The following MGAT3 variants were observed in gnomAD, a reference collection of about 807,000 sequenced individuals.
MGAT3 encodes GlcNAc-T III.
In MGAT3, 9 loss-of-function variants were observed where a neutral mutation model predicts 29.8. The ratio of observed to expected loss-of-function variants is 0.30; its 90% CI spans 0.18 to 0.53. The LOEUF (loss-of-function observed/expected upper bound fraction) is 0.53. Ranked by LOEUF, MGAT3 falls within the 20% of genes least tolerant of loss-of-function variation. The pLI is 0.96. For missense variants in MGAT3, 557 were observed against 769.5 expected (o/e 0.72, Z 3.27); for synonymous variants, 397 against 348.9 (o/e 1.14, Z -1.54).
intron 1 of MGAT3, among the ~76,000 whole-genome samples, chr22:39,467,686 G>A (rs1238037290): frequency 3.3e-5 from 5 of 149,822 alleles, no homozygotes; most frequent in Admixed American, 2.0e-4. Context: ...GTTTCATTTC[G>A]TTTCTTTTCT....
intron 1 of MGAT3, among the ~76,000 whole-genome samples, chr22:39,460,291 G>T (rs1928460626): frequency 6.6e-6 from 1 of 152,210 alleles, no homozygotes; most frequent in South Asian, 2.1e-4. Flanking sequence ...CATAGGCCTT[G>T]CCCTGAGGAG....
chr22:39,457,963 T>C lies in MGAT3; in HGVS notation c.-2+406T>C, dbSNP rs1184462276. Among the ~76,000 whole-genome samples the C allele has an allele frequency of 6.6e-6, 1 of 151,662 alleles. No individual in the cohort carries two copies. Among genetic ancestry groups the C allele is most frequent in the Non-Finnish European group, 1.5e-5 (1 of 67,854 alleles). ...CGGCGCGGGGCTGGGGTGGGAGGCC[T>C]CCGCGCCCGCCTTCCCCACCCCCGA... is the stretch of plus-strand genomic sequence containing the variant. On this transcript the variant is annotated intron_variant, in intron 1 of 1. Coordinates refer to ENST00000341184, the MANE Select transcript of MGAT3 (RefSeq NM_002409.5). This position sits in a 1 kb window ranked among gnomAD's most constrained non-coding sequence, Gnocchi z 6.8.
intron 1 of MGAT3, among the ~76,000 whole-genome samples, chr22:39,461,698 C>T (rs1187603939): frequency 3.3e-5 from 5 of 152,112 alleles, no homozygotes; most frequent in African/African-American, 1.2e-4. Context: ...TGACACCAGC[C>T]CCACAACCCA....
intron 1 of MGAT3, among the ~76,000 whole-genome samples, chr22:39,467,647 TTTC>T (rs1301035201): frequency 6.6e-6 from 1 of 151,894 alleles, no homozygotes; most frequent in Non-Finnish European, 1.5e-5. Flanking sequence ...TCTTTTTTCT[TTTC>T]TTTTCTTTTC....
intron 1 of MGAT3, among the ~76,000 whole-genome samples, chr22:39,474,685 C>T (rs1434460769): frequency 6.6e-6 from 1 of 152,242 alleles, no homozygotes; most frequent in East Asian, 1.9e-4. Context: ...ATAAAGAGCC[C>T]TGTGCCTGAA....
Position 39,487,836 on chromosome 22 carries a change from C to G in MGAT3, c.489C>G (p.Gly163=). The change falls in exon 2 of 2, where the codon GGC becomes GGG. Residue 163 remains glycine, a synonymous_variant. Coordinates refer to ENST00000341184, the MANE Select transcript of MGAT3 (RefSeq NM_002409.5). This position sits in a 1 kb window ranked among gnomAD's most constrained non-coding sequence, Gnocchi z 5.7. The stretch of plus-strand genomic sequence containing the variant: ...CCCGGGAGCGCACGGGGGGCCGAGG[C>G]GCCCGGCGCAAGTGGGTGGAGTGCG... ...LSARERTGGR[G]ARRKWVECVC... is the part of the protein sequence containing the mutation. 9.3e-6 allele frequency: 14 copies of G among 1,510,088 alleles called. No individual in the cohort carries two copies. Among genetic ancestry groups the G allele is most frequent in the Non-Finnish European group, 1.2e-5 (14 of 1,133,084 alleles). 93.5% of individuals were successfully genotyped at this position (1,510,088 alleles called of 1,614,324 possible).
intron 1 of MGAT3, among the ~76,000 whole-genome samples, chr22:39,460,144 A>G (rs962091758): frequency 1.3e-5 from 2 of 152,226 alleles, no homozygotes; most frequent in Non-Finnish European, 2.9e-5. Flanking sequence ...CCCAAGAGCC[A>G]GAGCCCCTTT....
chr22:39,486,265 A>T (rs1929269345), intron 1 of MGAT3: 1 of 370,424 alleles, frequency 2.7e-6, no homozygotes, highest in Non-Finnish European at 5.2e-6. Flanking sequence ...CTCCTGCCTC[A>T]GCCGGTATAG....
chr22:39,474,764 C>T (rs915465036), intron 1 of MGAT3, among the ~76,000 whole-genome samples: 90 of 152,348 alleles, frequency 5.9e-4, no homozygotes, highest in African/African-American at 1.9e-3. Context: ...CTGGGTGCTT[C>T]GGGCAGGAGC....
At chr22:39,458,920 C>G (rs143634503) in intron 1 of MGAT3, among the ~76,000 whole-genome samples, 1 of 152,138 alleles carries the variant, frequency 6.6e-6, no homozygotes, top group Non-Finnish European at 1.5e-5. Flanking sequence ...CAGCAGGGAG[C>G]TGGCACTTGG....
In MGAT3 at chr22:39,457,955, G is replaced by T. The variant is rs1928385418; in HGVS notation, c.-2+398G>T. On this transcript the variant is annotated intron_variant, in intron 1 of 1. Transcript: ENST00000341184. This position sits in a 1 kb window ranked among gnomAD's most constrained non-coding sequence, Gnocchi z 6.8. ...CTCCGGCGCGGCGCGGGGCTGGGGTGGGAGGCCTCCGCGCCCGCCTTCCCC... is the reference window on the plus strand; with the variant it reads ...CTCCGGCGCGGCGCGGGGCTGGGGTTGGAGGCCTCCGCGCCCGCCTTCCCC... Among the ~76,000 whole-genome samples, 1 of 151,894 alleles carries T rather than the reference G, an allele frequency of 6.6e-6. No homozygotes were observed. The highest frequency in any genetic ancestry group is 2.1e-4 in the South Asian group (1 of 4,820).
rs140710790 is a variant in MGAT3 at position 39,488,618 on chromosome 22, C to A, written c.1271C>A (p.Thr424Lys). 148 of 1,613,362 alleles carry A rather than the reference C, an allele frequency of 9.2e-5. No individual in the cohort carries two copies. The highest frequency in any genetic ancestry group is 6.4e-5 in the Non-Finnish European group (76 of 1,180,008). Residue 424 changes from threonine to lysine, a missense_variant, in exon 2 of 2, where the codon ACG (threonine) becomes AAG (lysine). Thr to Lys is a moderately conservative substitution (Grantham distance 78). Around this residue, in one of 3 missense-constraint regions of MGAT3, gnomAD observed 243 missense variants for 444.0 expected, o/e 0.55. Transcript: ENST00000341184. ...GGCTGGCACTGCTCCTGGTGCTTCA[C>A]GCCCGAGGGCATCTACTTCAAGCTC... ...FAGWHCSWCF[T>K]PEGIYFKLVS... is the part of the protein sequence containing the mutation.
intron 1 of MGAT3, among the ~76,000 whole-genome samples, chr22:39,465,170 A>AGAAATGCTCTGAACT (rs1928605166): frequency 6.6e-6 from 1 of 152,274 alleles, no homozygotes; most frequent in Admixed American, 6.5e-5. Flanking sequence ...GTTCCTGCTG[A>AGAAATGCTCTGAACT]GAAATGCTCT....
intron 1 of MGAT3, among the ~76,000 whole-genome samples, chr22:39,463,908 A>G (rs1228552611): frequency 1.3e-5 from 2 of 151,082 alleles, no homozygotes; most frequent in East Asian, 3.9e-4. Flanking sequence ...GAGCAAGACC[A>G]TATCTCAAAA....
chr22:39,462,845 G>A (rs950410912), intron 1 of MGAT3, among the ~76,000 whole-genome samples: 5 of 152,194 alleles, frequency 3.3e-5, no homozygotes, highest in Admixed American at 2.0e-4. Context: ...TTACCGTATT[G>A]TTTATGAACT....
At chr22:39,470,351 G>A (rs1569001074) in intron 1 of MGAT3, among the ~76,000 whole-genome samples, 1 of 152,186 alleles carries the variant, frequency 6.6e-6, no homozygotes, top group Non-Finnish European at 1.5e-5. Flanking sequence ...CAGCCAGTGC[G>A]AGGACCCTGG....
chr22:39,488,053 G>T lies in MGAT3; in HGVS notation c.706G>T (p.Val236Leu), dbSNP rs750724600. ...GCTGGGCGACGTGGTGGACGCCTTT[G>T]TGGTGTGCGAGTCCAACTTCACGGC... The part of the protein sequence containing the change: ...HELGDVVDAF[V>L]VCESNFTAYG... Residue 236 changes from valine (V) to leucine (L), a missense_variant, in exon 2 of 2, where the codon GTG (valine) becomes TTG (leucine). Val to Leu is a conservative substitution (Grantham distance 32). This residue lies in a region of MGAT3 where 243 missense variants were observed against 444.0 expected (regional missense o/e 0.55). Transcript: ENST00000341184. 1 of 1,613,054 alleles carries T rather than the reference G, an allele frequency of 6.2e-7. No individual in the cohort carries two copies. Among genetic ancestry groups the T allele is most frequent in the South Asian group, 1.1e-5 (1 of 91,074 alleles).
At chr22:39,484,663 A>G (rs1182153888) in intron 1 of MGAT3, among the ~76,000 whole-genome samples, 1 of 151,760 alleles carries the variant, frequency 6.6e-6, no homozygotes, top group Non-Finnish European at 1.5e-5. Flanking sequence ...GTGAGCCACC[A>G]CGCCTAACCC....
rs62230590 is a variant in MGAT3 at position 39,491,207 on chromosome 22, C to T, written c.*2258C>T. 7,981 of 167,448 alleles carry T rather than the reference C, an allele frequency of 0.048. 264 individuals carry two copies. Among genetic ancestry groups the T allele is most frequent in the African/African-American group, 0.086 (3,561 of 41,526 alleles). The allele number at this position is 167,448 out of a possible 1,614,324, so 10.4% of individuals were successfully genotyped here. A position where few individuals can be genotyped will look rare whatever the true frequency, so the allele number is the denominator to read the frequency against. ...TGTGGGGAGCTGGCCTCAGAGGAGC[C>T]GCTGGTGGGCAAGCGTGAAGTGGGC... On this transcript the variant is annotated 3_prime_UTR_variant, in exon 2 of 2. Transcript: ENST00000341184. The surrounding 1 kb of genome is among the most constrained non-coding windows in gnomAD (Gnocchi z 5.5).
Sources: allele counts gnomAD v4.1 joint callset (sites outside exome capture counted in the v4.1 genomes callset), GRCh38; gene constraint gnomAD v4.1.1; regional missense constraint gnomAD v4.1.1; non-coding constraint Gnocchi (gnomAD v3.1); transcripts MANE v1.5; gene names NCBI Gene and HGNC (gene_info 2026-07-23, HGNC 2026-07-21).